The following SNTG2 variants were observed in gnomAD, a reference collection of about 807,000 sequenced individuals.
SNTG2 encodes syntrophin gamma 2.
A neutral mutation model predicts 70.9 loss-of-function variants in SNTG2; 74 were observed. The ratio of observed to expected loss-of-function variants is 1.04; its 90% CI spans 0.86 to 1.27. The LOEUF is 1.27. Ranked by LOEUF, SNTG2 falls within the 50% of genes most tolerant of loss-of-function variation. SNTG2 has a pLI of 0.00. For missense variants in SNTG2, 717 were observed against 690.7 expected (o/e 1.04, Z -0.43); for synonymous variants, 278 against 273.8 (o/e 1.02, Z -0.15).
chr2:1,041,956 G>A (rs945689092), intron 1 of SNTG2, among the ~76,000 whole-genome samples: 2 of 152,120 alleles, frequency 1.3e-5, no homozygotes, highest in Non-Finnish European at 2.9e-5. Context: ...TTTTCCCAGA[G>A]TTCCAATTAT....
In SNTG2 at chr2:1,173,173, C is replaced by T. The variant is rs746297386; in HGVS notation, c.581C>T (p.Ser194Phe). The change falls in exon 8 of 17, where the codon TCC becomes TTC. Residue 194 changes from serine to phenylalanine, a missense_variant. By Grantham distance (155) the Ser-to-Phe change is radical. Transcript: ENST00000308624. ...FDSGLHLNGN[S>F]STTAPSSPSS... ...AGCGGTTTGCATCTGAACGGAAACT[C>T]CAGTACCACAGTAAGCATATAGATT... 6.2e-7 allele frequency: 1 copy of T among 1,613,828 alleles called. No homozygotes were observed. Among genetic ancestry groups the T allele is most frequent in the Non-Finnish European group, 8.5e-7 (1 of 1,179,744 alleles).
intron 16 of SNTG2, among the ~76,000 whole-genome samples, chr2:1,330,775 A>G (rs1659483361): frequency 6.6e-6 from 1 of 152,202 alleles, no homozygotes; most frequent in African/African-American, 2.4e-5. Context: ...GGTATTTGCA[A>G]GACAGAGCTC....
At chr2:1,203,634 A>G (rs888267740) in intron 8 of SNTG2, among the ~76,000 whole-genome samples, 1 of 151,270 alleles carries the variant, frequency 6.6e-6, no homozygotes, top group Admixed American at 6.6e-5. Context: ...AGTCTGTGCA[A>G]CAGAGTGAGA....
chr2:1,283,664 T>G (rs115799937), intron 14 of SNTG2, among the ~76,000 whole-genome samples: 3,071 of 152,238 alleles, frequency 0.02, 103 homozygotes, highest in African/African-American at 0.07. Flanking sequence ...TGTGTGGCCC[T>G]GGCTTCTCTG....
intron 1 of SNTG2, among the ~76,000 whole-genome samples, chr2:952,245 G>T (rs1284046951): frequency 3.9e-5 from 6 of 152,124 alleles, no homozygotes; most frequent in African/African-American, 1.4e-4. Context: ...GAAATAAACC[G>T]CAGTAAAAAC....
Position 1,097,421 on chromosome 2 carries a change from G to A in SNTG2, c.211-775G>A, listed in dbSNP as rs907512828. Among the ~76,000 whole-genome samples the A allele has an allele frequency of 5.3e-5, 8 of 152,140 alleles. No homozygotes were observed. The highest frequency in any genetic ancestry group is 1.9e-4 in the African/African-American group (8 of 41,428). ...AATGTCTGTCACTTCTGTTTTTCCT[G>A]TAGTGTATTTTTGAGGTAAAAGCAC... On this transcript the variant is annotated intron_variant, in intron 2 of 16. Coordinates refer to ENST00000308624, the MANE Select transcript of SNTG2 (RefSeq NM_018968.4). The surrounding 1 kb of genome is among the most constrained non-coding windows in gnomAD (Gnocchi z 4.1).
intron 15 of SNTG2, among the ~76,000 whole-genome samples, chr2:1,310,271 G>C (rs1032922067): frequency 6.6e-6 from 1 of 152,166 alleles, no homozygotes; most frequent in African/African-American, 2.4e-5. Flanking sequence ...CGGCCCCATT[G>C]CCTGGGCCAG....
chr2:1,186,575 A>G (rs1672265186), intron 8 of SNTG2, among the ~76,000 whole-genome samples: 1 of 152,142 alleles, frequency 6.6e-6, no homozygotes, highest in Non-Finnish European at 1.5e-5. Context: ...AAACTTAAAC[A>G]ATCATGTTGG....
intron 1 of SNTG2, among the ~76,000 whole-genome samples, chr2:1,007,190 C>T: frequency 6.6e-6 from 1 of 152,058 alleles, no homozygotes; most frequent in Non-Finnish European, 1.5e-5. Flanking sequence ...CCATCCCCCA[C>T]AGATCCCAAA....
At chr2:1,272,070 C>T (rs1047310578) in intron 14 of SNTG2, among the ~76,000 whole-genome samples, 8 of 152,096 alleles carry the variant, frequency 5.3e-5, no homozygotes, top group African/African-American at 7.2e-5. Flanking sequence ...AGTTTTTCCA[C>T]GGACAGGGCC....
intron 14 of SNTG2, among the ~76,000 whole-genome samples, chr2:1,281,334 TGTGGTG>T (rs2148207175): frequency 1.1e-5 from 1 of 93,920 alleles, no homozygotes; most frequent in Non-Finnish European, 2.1e-5. Context: ...GGTGTGTGTG[TGTGGTG>T]GTATGTGTGT....
At chr2:1,208,170 A>G (rs1397683335) in intron 8 of SNTG2, among the ~76,000 whole-genome samples, 2 of 152,202 alleles carry the variant, frequency 1.3e-5, no homozygotes, top group Admixed American at 6.5e-5. Flanking sequence ...ACTGAAGCAA[A>G]TTAAAACACC....
At chr2:963,062 C>G (rs974734262) in intron 1 of SNTG2, among the ~76,000 whole-genome samples, 1 of 152,028 alleles carries the variant, frequency 6.6e-6, no homozygotes, top group African/African-American at 2.4e-5. Flanking sequence ...TTGTGTCATA[C>G]TATTCAAAAA....
chr2:1,100,385 T>G (rs1665710034), intron 4 of SNTG2, among the ~76,000 whole-genome samples: 1 of 152,216 alleles, frequency 6.6e-6, no homozygotes, highest in Non-Finnish European at 1.5e-5. Flanking sequence ...CCTCAGGTGA[T>G]CTGCCTGCCT....
intron 9 of SNTG2, among the ~76,000 whole-genome samples, chr2:1,215,612 C>T (rs972481246): frequency 5.3e-5 from 8 of 150,908 alleles, no homozygotes; most frequent in African/African-American, 1.7e-4. Context: ...CGTGCAGGTT[C>T]GTTACATATG....
intron 1 of SNTG2, among the ~76,000 whole-genome samples, chr2:1,071,035 C>T (rs1457173487): frequency 1.3e-5 from 2 of 152,258 alleles, no homozygotes; most frequent in South Asian, 2.1e-4. Flanking sequence ...CCACACTCGA[C>T]GCAGGCAGTG....
At chr2:1,127,000 T>C (rs1377689210) in intron 4 of SNTG2, among the ~76,000 whole-genome samples, 1 of 116,834 alleles carries the variant, frequency 8.6e-6, no homozygotes, top group Non-Finnish European at 1.7e-5. Context: ...GCTTTTGTTA[T>C]CTGTGTTTTT....
intron 1 of SNTG2, among the ~76,000 whole-genome samples, chr2:976,894 T>C (rs557041254): frequency 6.6e-6 from 1 of 152,268 alleles, no homozygotes; most frequent in East Asian, 1.9e-4. Context: ...CCAGCAGCTC[T>C]CCAGAGGCAG....
intron 2 of SNTG2, among the ~76,000 whole-genome samples, chr2:1,085,049 C>T (rs1664593100): frequency 6.6e-6 from 1 of 152,210 alleles, no homozygotes; most frequent in Admixed American, 6.5e-5. Flanking sequence ...TTCACGGGCT[C>T]ATACAAGATT....
Sources: gnomAD v4.1 joint callset for allele counts (sites outside exome capture counted in the v4.1 genomes callset) on GRCh38, gnomAD v4.1.1 for gene constraint, Gnocchi (gnomAD v3.1) non-coding constraint, MANE v1.5 for transcripts, NCBI Gene and HGNC (gene_info 2026-07-23, HGNC 2026-07-21) for gene names.